CAMK1D: variants seen among roughly 807,000 people sequenced by gnomAD.
CAMK1D encodes the protein calcium/calmodulin-dependent protein kinase type 1D.
CAMK1D carries 9 observed loss-of-function variants against 47.7 expected under a neutral mutation model. That is an observed-to-expected ratio of 0.19 (90% CI 0.11 to 0.33). The LOEUF (loss-of-function observed/expected upper bound fraction) is 0.33. Ranked by LOEUF, CAMK1D falls within the 10% of genes least tolerant of loss-of-function variation. The pLI is 1.00. For synonymous variants in CAMK1D, 184 were observed against 184.9 expected (o/e 0.99, Z 0.04); for missense variants, 291 against 488.7 (o/e 0.60, Z 3.81).
intron 3 of CAMK1D, among the ~76,000 whole-genome samples, chr10:12,667,385 A>G (rs1440620006): frequency 6.6e-6 from 1 of 152,256 alleles, no homozygotes; most frequent in African/African-American, 2.4e-5. Flanking sequence ...GCATTCCATT[A>G]ACACTGGAGA....
intron 3 of CAMK1D, among the ~76,000 whole-genome samples, chr10:12,678,906 G>A (rs1840899868): frequency 6.6e-6 from 1 of 152,020 alleles, no homozygotes; most frequent in Non-Finnish European, 1.5e-5. Context: ...GAGATTACAA[G>A]CATGCACCAT....
intron 1 of CAMK1D, among the ~76,000 whole-genome samples, chr10:12,503,943 C>A (rs1834785904): frequency 6.6e-6 from 1 of 152,102 alleles, no homozygotes; most frequent in Non-Finnish European, 1.5e-5. Flanking sequence ...TCTCTGAGGG[C>A]CTCAGCTGGA....
In CAMK1D at chr10:12,577,779, G is replaced by A. The variant is rs538809614; in HGVS notation, c.224+24423G>A. ...CGGGGTATGATGCTTGGCTGACATC[G>A]TTAACTCAGCCCCTCCAAGATTATG... On this transcript the variant is annotated intron_variant, in intron 2 of 10. Transcript: ENST00000619168. Among the ~76,000 whole-genome samples the A allele has an allele frequency of 5.9e-5, 9 of 152,284 alleles. No individual in the cohort carries two copies. The South Asian group carries it at 6.2e-4, about 11-fold the overall frequency.
intron 5 of CAMK1D, among the ~76,000 whole-genome samples, chr10:12,778,789 C>G (rs1299500330): frequency 6.6e-6 from 1 of 152,106 alleles, no homozygotes; most frequent in African/African-American, 2.4e-5. Flanking sequence ...AGGAGGATCA[C>G]CTGAGCCCAG....
intron 2 of CAMK1D, among the ~76,000 whole-genome samples, chr10:12,660,453 T>G (rs1345536456): frequency 6.6e-6 from 1 of 152,230 alleles, no homozygotes; most frequent in Non-Finnish European, 1.5e-5. Context: ...GGGGCCTGTT[T>G]GTACATTTGG....
intron 1 of CAMK1D, among the ~76,000 whole-genome samples, chr10:12,371,595 A>G (rs1838009128): frequency 6.8e-6 from 1 of 146,370 alleles, no homozygotes; most frequent in Non-Finnish European, 1.5e-5. Flanking sequence ...AAACCAAAAA[A>G]AAACAAAAAA....
At chr10:12,672,342 T>C (rs1284646775) in intron 3 of CAMK1D, among the ~76,000 whole-genome samples, 1 of 152,058 alleles carries the variant, frequency 6.6e-6, no homozygotes, top group African/African-American at 2.4e-5. Flanking sequence ...CAAATAATGT[T>C]TTCCTCTGGA....
intron 2 of CAMK1D, among the ~76,000 whole-genome samples, chr10:12,589,617 A>G (rs1428508796): frequency 6.6e-6 from 1 of 152,160 alleles, no homozygotes; most frequent in East Asian, 1.9e-4. Context: ...CCCTTTTCTT[A>G]CCAGTGAAAA....
rs576312584 is a variant in CAMK1D at position 12,502,619 on chromosome 10, G to C, written c.93-50606G>C. Among the ~76,000 whole-genome samples the C allele has an allele frequency of 2.0e-5, 3 of 152,358 alleles. No individual in the cohort carries two copies. The South Asian group carries it at 6.2e-4, about 32-fold the overall frequency. ...ACCTGCCCCAGGCCTTGTTCTGGAA[G>C]TAGCAGTGCCAGGCTTTAGCCCGGG... On this transcript the variant is annotated intron_variant, in intron 1 of 10. Transcript: ENST00000619168.
intron 1 of CAMK1D, among the ~76,000 whole-genome samples, chr10:12,366,008 A>G (rs1222710262): frequency 1.3e-5 from 2 of 152,236 alleles, no homozygotes; most frequent in Admixed American, 6.5e-5. Flanking sequence ...GTGAGCAGAG[A>G]TCGCACCAAT....
chr10:12,441,093 C>T (rs1832771684), intron 1 of CAMK1D, among the ~76,000 whole-genome samples: 1 of 152,240 alleles, frequency 6.6e-6, no homozygotes, highest in African/African-American at 2.4e-5. Flanking sequence ...CCCTTTCGTC[C>T]TCCAATCATA....
At chr10:12,777,476 G>A (rs12570858) in intron 5 of CAMK1D, among the ~76,000 whole-genome samples, 73,306 of 149,852 alleles carry the variant, frequency 0.49, 18,051 homozygotes, top group South Asian at 0.56. Context: ...GGGTTCAAGC[G>A]ATTGTCCTGC....
At chr10:12,709,603 G>T (rs1214618306) in intron 3 of CAMK1D, among the ~76,000 whole-genome samples, 2 of 152,128 alleles carry the variant, frequency 1.3e-5, no homozygotes, top group African/African-American at 4.8e-5. Context: ...TAGTGCTCTA[G>T]GTACATAGAG....
intron 3 of CAMK1D, among the ~76,000 whole-genome samples, chr10:12,682,561 A>G (rs527921650): frequency 6.6e-6 from 1 of 152,362 alleles, no homozygotes; most frequent in African/African-American, 2.4e-5. Flanking sequence ...CTGTGAATAT[A>G]GATATTGCAG....
intron 3 of CAMK1D, among the ~76,000 whole-genome samples, chr10:12,711,244 A>G (rs2130752995): frequency 6.6e-6 from 1 of 152,272 alleles, no homozygotes; most frequent in Admixed American, 6.5e-5. Context: ...AGATCTAGCC[A>G]TTTTCAGCAG....
intron 1 of CAMK1D, among the ~76,000 whole-genome samples, chr10:12,498,299 C>T (rs1239467699): frequency 6.6e-6 from 1 of 152,154 alleles, no homozygotes; most frequent in Non-Finnish European, 1.5e-5. Context: ...AAACCCTGGA[C>T]CTGGGGCTCC....
At chr10:12,374,758 A>G (rs943209760) in intron 1 of CAMK1D, among the ~76,000 whole-genome samples, 1 of 152,080 alleles carries the variant, frequency 6.6e-6, no homozygotes, top group Non-Finnish European at 1.5e-5. Flanking sequence ...CCTGGCCAAC[A>G]TGGCGAAACC....
intron 1 of CAMK1D, among the ~76,000 whole-genome samples, chr10:12,532,435 A>T (rs1303935157): frequency 6.6e-6 from 1 of 151,986 alleles, no homozygotes; most frequent in African/African-American, 2.4e-5. Flanking sequence ...GCCCGCCACT[A>T]CGCCTGGCTA....
chr10:12,679,114 G>A (rs1840907686), intron 3 of CAMK1D, among the ~76,000 whole-genome samples: 2 of 152,068 alleles, frequency 1.3e-5, no homozygotes, highest in South Asian at 2.1e-4. Flanking sequence ...ACCATCTTAC[G>A]CATTTTAGCC....
Sources: allele counts gnomAD v4.1 joint callset (sites outside exome capture counted in the v4.1 genomes callset), GRCh38; gene constraint gnomAD v4.1.1; transcripts MANE v1.5; gene names NCBI Gene and HGNC (gene_info 2026-07-23, HGNC 2026-07-21).